KDM5C: variants seen among roughly 807,000 people sequenced by gnomAD.
KDM5C encodes lysine demethylase 5C, also known as lysine-specific demethylase 5C.
Under a neutral mutation model 110.6 loss-of-function variants are expected in KDM5C, and 16 were observed. The observed-to-expected ratio is 0.14, with a 90% CI of 0.10 to 0.22. The LOEUF (loss-of-function observed/expected upper bound fraction) is 0.22, where lower values mean the gene tolerates loss of function less well. Among genes scored for constraint, KDM5C ranks in the 10% least tolerant of loss-of-function variants. The probability of loss-of-function intolerance (pLI) is 1.00; values close to 1 mark genes in which losing one functional copy is unlikely to be tolerated. For missense variants in KDM5C, 681 were observed against 1,300.9 expected, an observed-to-expected ratio of 0.52 and a Z score of 7.33; for synonymous variants, 511 against 520.4, an observed-to-expected ratio of 0.98 and a Z score of 0.24.
At position 53,178,095 on chromosome X, in the gene KDM5C, G is replaced by A. The variant is rs183328308; in HGVS notation, c.4309-1473C>T. 2.8e-3 allele frequency among the ~76,000 whole-genome samples: 318 copies of A among 111,824 alleles called. 1 individual carries two copies. Among genetic ancestry groups the A allele is most frequent in the African/African-American group, 9.7e-3 (299 of 30,816 alleles). ...CTGGCTTGAACTCCTGGGCTCAAGC[G>A]ATTCTCCTGCCTCAGCCTCCGAAAG... is the stretch of plus-strand genomic sequence containing the variant. On this transcript the variant is annotated intron_variant, in intron 25 of 25. Coordinates refer to the KDM5C transcript ENST00000685641.
At chrX:53,182,915 C>T (rs1185441923) in intron 25 of KDM5C, among the ~76,000 whole-genome samples, 1 of 111,799 alleles carries the variant, frequency 8.9e-6, no homozygotes, top group Admixed American at 9.6e-5. Context: ...ACTGTTGCCA[C>T]ATCCAAGGTC....
At chrX:53,199,420 C>G (rs782799579) in intron 14 of KDM5C, among the ~76,000 whole-genome samples, 1 of 111,639 alleles carries the variant, frequency 9.0e-6, no homozygotes, top group African/African-American at 3.3e-5. Context: ...AGATCCAGAT[C>G]AGCAGAAAGG....
chrX:53,215,759 A>C (rs377640034), intron 7 of KDM5C, 36 bp downstream of exon 7: 63 of 1,184,697 alleles, frequency 5.3e-5, no homozygotes, highest in Middle Eastern at 2.3e-4. Context: ...AAGGGACAAG[A>C]AGCAGAGCAT....
rs782607291 is a variant in KDM5C at position 53,194,130 on chromosome X, G to T, written c.4038+9C>A. ...AATCTGAGGACAAGAGCTGGGCTGA[G>T]TAGCTCACCTTAGGCATATCCTTGC... is the stretch of plus-strand genomic sequence containing the variant. On this transcript the variant is annotated intron_variant, in intron 23 of 25. Coordinates refer to ENST00000375401, the MANE Select transcript of KDM5C (RefSeq NM_004187.5). 8.4e-7 allele frequency: 1 copy of T among 1,192,322 alleles called. No individual in the cohort carries two copies. Among genetic ancestry groups the T allele is most frequent in the Non-Finnish European group, 1.1e-6 (1 of 885,358 alleles).
chrX:53,216,677 C>T (rs183314279), intron 5 of KDM5C, among the ~76,000 whole-genome samples: 1 of 111,793 alleles, frequency 8.9e-6, no homozygotes, highest in East Asian at 2.8e-4. Flanking sequence ...CAGTGGTACA[C>T]ACCTGTAGTC....
downstream of KDM5C, among the ~76,000 whole-genome samples, chrX:53,187,862 C>T (rs1441919475): frequency 1.8e-5 from 2 of 109,018 alleles, no homozygotes; most frequent in Admixed American, 9.8e-5. Context: ...CGGGTTCAAG[C>T]GATTCTCCTG....
intron 14 of KDM5C, 21 bp from the exon 15 acceptor site, chrX:53,199,179 C>T (rs1394138305): frequency 1.2e-5 from 14 of 1,202,697 alleles, no homozygotes; most frequent in African/African-American, 1.8e-5. Context: ...TTAACCTATG[C>T]GTTATATATA....
At chrX:53,222,747 A>G (rs1212295895) in intron 1 of KDM5C, among the ~76,000 whole-genome samples, 1 of 111,244 alleles carries the variant, frequency 9.0e-6, no homozygotes, top group Non-Finnish European at 1.9e-5. Flanking sequence ...GATCCTTCCA[A>G]ACTCCACTGG....
At position 53,214,712 on chromosome X, in the gene KDM5C, G is replaced by A. The variant is rs2073692420; in HGVS notation, c.1099C>T (p.Arg367Trp). 2 of 1,210,083 alleles carry A rather than the reference G, an allele frequency of 1.7e-6. No homozygotes were observed. Among genetic ancestry groups the A allele is most frequent in the Non-Finnish European group, 2.2e-6 (2 of 894,565 alleles). ...PLPEIPKGVW[R>W]CPKCVMAECK... is the part of the protein sequence containing the mutation. The stretch of plus-strand genomic sequence containing the variant: ...ACCGCCATGACACACTTTGGGCACC[G>A]CCAGACACCCTTGGGGATCTCAGGC... The change falls in exon 8 of 26, where the codon CGG becomes TGG. Residue 367 changes from arginine to tryptophan, a missense_variant. This residue lies in a region of KDM5C where 71 missense variants were observed against 115.0 expected (regional missense o/e 0.62). Coordinates refer to ENST00000375401, the MANE Select transcript of KDM5C (RefSeq NM_004187.5).
rs140386056 is a variant in KDM5C at position 53,216,458 on chromosome X, T to C, written c.658-261A>G. On this transcript the variant is annotated intron_variant, in intron 5 of 25. Coordinates refer to ENST00000375401, the MANE Select transcript of KDM5C (RefSeq NM_004187.5). ...AATGAGAATATTACCTCCTCCCTTA[T>C]AGTTATGAGGGGGGTTAGGGACAAT... Among the ~76,000 whole-genome samples, 1,724 of 112,051 alleles carry C rather than the reference T, an allele frequency of 0.015. 41 individuals carry two copies. The highest frequency in any genetic ancestry group is 0.053 in the African/African-American group (1,634 of 30,837).
At chrX:53,187,673 G>A (rs1934261532), downstream of KDM5C, among the ~76,000 whole-genome samples, 1 of 111,400 alleles carries the variant, frequency 9.0e-6, no homozygotes, top group African/African-American at 3.3e-5. Flanking sequence ...GGGAGGCCAA[G>A]GTGGAAGGAT....
rs370840799 is a variant in KDM5C at position 53,198,601 on chromosome X, C to T, written c.2405G>A (p.Arg802His). The change falls in exon 17 of 26, where the codon CGT (arginine) becomes CAT (histidine). Residue 802 changes from arginine (R) to histidine (H), a missense_variant. Coordinates refer to ENST00000375401, the MANE Select transcript of KDM5C (RefSeq NM_004187.5). The part of the protein sequence containing the change: ...EELRALESEA[R>H]ERRFPNSELL... Reference sequence around the variant, plus strand: ...CTCACTATTAGGAAACCTCCGCTCACGGGCTTCAGACTCTAGTGCCCTCAG... The same window carrying T: ...CTCACTATTAGGAAACCTCCGCTCATGGGCTTCAGACTCTAGTGCCCTCAG... 5.8e-6 allele frequency: 7 copies of T among 1,210,332 alleles called. No homozygotes were observed. The highest frequency in any genetic ancestry group is 7.8e-6 in the Non-Finnish European group (7 of 895,295).
intron 1 of KDM5C, among the ~76,000 whole-genome samples, chrX:53,223,083 T>C (rs1181796489): frequency 2.7e-5 from 3 of 111,972 alleles, no homozygotes; most frequent in African/African-American, 9.8e-5. Context: ...CTGCTGGCCA[T>C]GCACACCTGG....
At chrX:53,210,643 C>T in intron 11 of KDM5C, 33 bp downstream of exon 11, 1 of 1,209,860 alleles carries the variant, frequency 8.3e-7, no homozygotes, top group Non-Finnish European at 1.1e-6. Flanking sequence ...CCCACACTGA[C>T]TTGATTCCCT....
In KDM5C at chrX:53,192,615, G is replaced by A; in HGVS notation, c.*352C>T. On this transcript the variant is annotated 3_prime_UTR_variant, in exon 26 of 26. Transcript: ENST00000375401. ...GGACCAGAACTGGGGAGAGAAGGGA[G>A]GAGAGTCCCCCAGTTTGCATATACA... 1 of 693,240 alleles carries A rather than the reference G, an allele frequency of 1.4e-6. No individual in the cohort carries two copies. Among genetic ancestry groups the A allele is most frequent in the Admixed American group, 2.8e-5 (1 of 36,049 alleles). The allele number at this position is 693,240 out of a possible 1,213,427, so 57.1% of individuals were successfully genotyped here. A position where few individuals can be genotyped will look rare whatever the true frequency, so the allele number is the denominator to read the frequency against.
intron 25 of KDM5C, among the ~76,000 whole-genome samples, chrX:53,179,645 C>CA (rs34649591): frequency 4.5e-5 from 5 of 111,078 alleles, no homozygotes; most frequent in African/African-American, 1.6e-4. Flanking sequence ...GACACCTCAC[C>CA]AAAAAAGATA....
intron 19 of KDM5C, 107 bp downstream of exon 19, chrX:53,196,579 C>A: frequency 3.2e-6 from 2 of 626,124 alleles, no homozygotes; most frequent in Non-Finnish European, 5.3e-6. Context: ...AATACAGTAA[C>A]ACAGGAGCGT....
intron 25 of KDM5C, among the ~76,000 whole-genome samples, chrX:53,179,892 A>G (rs1214174911): frequency 8.9e-6 from 1 of 111,807 alleles, no homozygotes; most frequent in Admixed American, 9.5e-5. Flanking sequence ...ACAAAACTAA[A>G]CATATTCTTA....
downstream of KDM5C, among the ~76,000 whole-genome samples, chrX:53,186,458 C>T (rs781856767): frequency 2.7e-5 from 3 of 112,012 alleles, no homozygotes; most frequent in East Asian, 5.6e-4. Context: ...CATCAAGCCA[C>T]GAAGTTATCT....
Sources: gnomAD v4.1 joint callset for allele counts (sites outside exome capture counted in the v4.1 genomes callset) on GRCh38, gnomAD v4.1.1 for gene constraint, gnomAD v4.1.1 regional missense constraint, MANE v1.5 for transcripts, NCBI Gene and HGNC (gene_info 2026-07-23, HGNC 2026-07-21) for gene names.